The following CCDC138 variants were observed in gnomAD, a reference collection of about 807,000 sequenced individuals.
CCDC138 encodes coiled-coil domain-containing protein 138.
A neutral mutation model predicts 82.3 loss-of-function variants in CCDC138; 66 were observed. That is an observed-to-expected ratio of 0.80 (90% CI 0.66 to 0.98). CCDC138 has a LOEUF of 0.98. Among genes scored for constraint, CCDC138 ranks in the 50% least tolerant of loss-of-function variants. CCDC138 has a pLI of 0.00. For missense variants in CCDC138, 816 were observed against 758.9 expected, an observed-to-expected ratio of 1.08 and a Z score of -0.88; for synonymous variants, 297 against 265.4, an observed-to-expected ratio of 1.12 and a Z score of -1.16.
chr2:108,788,952 C>T lies in CCDC138; in HGVS notation c.252C>T (p.His84=), dbSNP rs369058012. The change falls in exon 3 of 15, where the codon CAC becomes CAT. Residue 84 remains histidine (H), a synonymous_variant. Coordinates refer to ENST00000295124, the MANE Select transcript of CCDC138 (RefSeq NM_144978.3). ...CACCATTGGGCAGCTTATTCAAGCACGTAAATGTGAATTGGTAAAGTACCC... is the reference window on the plus strand; with the variant it reads ...CACCATTGGGCAGCTTATTCAAGCATGTAAATGTGAATTGGTAAAGTACCC... ...CRTPLGSLFK[H]VNVNCLDDEL... The T allele has an allele frequency of 1.5e-5, 24 of 1,613,910 alleles. No homozygotes were observed. The Admixed American group carries it at 1.5e-4, about 10-fold the overall frequency.
intron 4 of CCDC138, among the ~76,000 whole-genome samples, chr2:108,793,352 C>T (rs989711649): frequency 6.6e-6 from 1 of 151,752 alleles, no homozygotes; most frequent in African/African-American, 2.4e-5. Flanking sequence ...AACAAAACAA[C>T]AACAAAAAAA....
At chr2:108,806,767 T>G (rs1682944926) in intron 7 of CCDC138, among the ~76,000 whole-genome samples, 1 of 152,232 alleles carries the variant, frequency 6.6e-6, no homozygotes, top group Admixed American at 6.5e-5. Context: ...GTGACTGACT[T>G]ACATAGTAAT....
chr2:108,843,876 G>GTGTGTGTGTGTGTGT (rs1187530203), intron 11 of CCDC138, among the ~76,000 whole-genome samples: 1 of 13,872 alleles, frequency 7.2e-5, no homozygotes. Flanking sequence ...GTGTGTGTGT[G>GTGTGTGTGTGTGTGT]TGTTTCTTTC....
At chr2:108,837,398 G>A (rs752508475) in intron 10 of CCDC138, among the ~76,000 whole-genome samples, 12 of 152,130 alleles carry the variant, frequency 7.9e-5, no homozygotes, top group African/African-American at 2.2e-4. Flanking sequence ...TAGTCATGGC[G>A]TATAATCCCT....
At chr2:108,881,286 C>T (rs193113124), downstream of CCDC138, among the ~76,000 whole-genome samples, 1 of 152,320 alleles carries the variant, frequency 6.6e-6, no homozygotes, top group Non-Finnish European at 1.5e-5. Context: ...CCTCATGAAC[C>T]AACCTCTGCT....
intron 4 of CCDC138, 59 bp from the exon 5 acceptor site, chr2:108,794,481 A>G (rs1680511226): frequency 2.1e-6 from 3 of 1,457,482 alleles, no homozygotes; most frequent in Non-Finnish European, 1.9e-6. Flanking sequence ...GGTTACTCTG[A>G]GAATATTTGA....
At position 108,815,941 on chromosome 2, in the gene CCDC138, G is replaced by T; in HGVS notation, c.1042G>T (p.Val348Leu). 1.2e-6 allele frequency: 2 copies of T among 1,602,954 alleles called. No individual in the cohort carries two copies. The highest frequency in any genetic ancestry group is 1.7e-6 in the Non-Finnish European group (2 of 1,176,194). Residue 348 changes from valine to leucine, a missense_variant and splice_region_variant, in exon 10 of 15, where the codon GTA becomes TTA. Val to Leu is a conservative substitution (Grantham distance 32). Transcript: ENST00000295124. ...AAATGATTTAATTTTTGACATATAG[G>T]TACCACTTAATGGGCAAGTTTATGA... ...EKAPVSKTYK[V>L]PLNGQVYELL...
chr2:108,787,077 G>C (rs1427993127), intron 1 of CCDC138, among the ~76,000 whole-genome samples, 162 bp downstream of exon 1: 2 of 152,060 alleles, frequency 1.3e-5, no homozygotes, highest in Non-Finnish European at 2.9e-5. Context: ...GGCGGGAGGG[G>C]CGGGCGTTGC....
rs557891287 is a variant in CCDC138 at position 108,862,030 on chromosome 2, C to T, written c.1693+5060C>T. On this transcript the variant is annotated intron_variant, in intron 13 of 14. Coordinates refer to ENST00000295124, the MANE Select transcript of CCDC138 (RefSeq NM_144978.3). Reference sequence around the variant, plus strand: ...TGAGAGTTCTTCTTTGTATTGGTTTCTATTTTTATTCCACTATGGCCCAAG... The same window carrying T: ...TGAGAGTTCTTCTTTGTATTGGTTTTTATTTTTATTCCACTATGGCCCAAG... Among the ~76,000 whole-genome samples the T allele has an allele frequency of 8.6e-4, 125 of 146,030 alleles. 5 individuals carry two copies. The highest frequency in any genetic ancestry group is 5.0e-3 in the Admixed American group (74 of 14,702).
downstream of CCDC138, among the ~76,000 whole-genome samples, chr2:108,877,325 A>T (rs1218068884): frequency 6.6e-6 from 1 of 151,550 alleles, no homozygotes; most frequent in East Asian, 1.9e-4. Flanking sequence ...AGAATTAGCC[A>T]GGCGGTGATG....
At chr2:108,859,261 T>C (rs1004451795) in intron 13 of CCDC138, among the ~76,000 whole-genome samples, 1 of 152,206 alleles carries the variant, frequency 6.6e-6, no homozygotes, top group Non-Finnish European at 1.5e-5. Context: ...CTTTTTCTCA[T>C]TGATTTGTTT....
intron 12 of CCDC138, among the ~76,000 whole-genome samples, chr2:108,848,230 T>C (rs1250587627): frequency 5.9e-5 from 9 of 152,242 alleles, no homozygotes; most frequent in Admixed American, 5.9e-4. Flanking sequence ...AATGTTCATT[T>C]CTGATAATAT....
In CCDC138 at chr2:108,794,721, G is replaced by A; in HGVS notation, c.576G>A (p.Gln192=). Reference sequence around the variant, plus strand: ...TATTTCAGATACATCTGAAATTGCAGGTAAGAACTAAATACTGAATCGAGA... The same window carrying A: ...TATTTCAGATACATCTGAAATTGCAAGTAAGAACTAAATACTGAATCGAGA... The part of the protein sequence containing the change: ...DELFQIHLKL[Q]CETAAQQKFA... The change falls in exon 5 of 15, where the codon CAG becomes CAA. Residue 192 remains glutamine (Q), a splice_region_variant and synonymous_variant. Transcript: ENST00000295124. 1 of 1,601,094 alleles carries A rather than the reference G, an allele frequency of 6.2e-7. No individual in the cohort carries two copies. Among genetic ancestry groups the A allele is most frequent in the Non-Finnish European group, 8.5e-7 (1 of 1,169,762 alleles).
intron 10 of CCDC138, among the ~76,000 whole-genome samples, chr2:108,838,345 A>G (rs142268112): frequency 1.3e-3 from 200 of 152,364 alleles, no homozygotes; most frequent in African/African-American, 4.6e-3. Flanking sequence ...ACATATATGT[A>G]TATACACACA....
At position 108,810,416 on chromosome 2, in the gene CCDC138, A is replaced by G. The variant is rs530830166; in HGVS notation, c.856-2215A>G. On this transcript the variant is annotated intron_variant, in intron 7 of 14. Coordinates refer to ENST00000295124, the MANE Select transcript of CCDC138 (RefSeq NM_144978.3). ...CTATTGAAATGATCGTAAGGTAATT[A>G]TATTTCATTCTGTTATACTCTTCAT... 3.3e-5 allele frequency among the ~76,000 whole-genome samples: 5 copies of G among 152,352 alleles called. No individual in the cohort carries two copies. The South Asian group carries it at 1.0e-3, about 32-fold the overall frequency.
chr2:108,853,883 A>G (rs1312882639), intron 12 of CCDC138, among the ~76,000 whole-genome samples: 1 of 124,012 alleles, frequency 8.1e-6, no homozygotes, highest in African/African-American at 3.2e-5. Flanking sequence ...TATATAATAT[A>G]TTATATAGTA....
chr2:108,847,484 A>C (rs142591376), intron 12 of CCDC138, among the ~76,000 whole-genome samples: 2,412 of 152,322 alleles, frequency 0.016, 222 homozygotes, highest in Admixed American at 0.14. Context: ...TCCCAAAGAA[A>C]AAACTTGTTT....
At chr2:108,794,861 C>T (rs1448093770) in intron 5 of CCDC138, 140 bp downstream of exon 5, 1 of 656,746 alleles carries the variant, frequency 1.5e-6, no homozygotes, top group Non-Finnish European at 2.5e-6. Flanking sequence ...GGGACAAACT[C>T]AAATTATAGG....
chr2:108,845,205 T>G (rs974205767), intron 11 of CCDC138, among the ~76,000 whole-genome samples: 2 of 152,222 alleles, frequency 1.3e-5, no homozygotes, highest in African/African-American at 4.8e-5. Flanking sequence ...ACACAAAGGT[T>G]TAAAAACATG....
Sources: gnomAD v4.1 joint callset for allele counts (sites outside exome capture counted in the v4.1 genomes callset) on GRCh38, gnomAD v4.1.1 for gene constraint, MANE v1.5 for transcripts, NCBI Gene and HGNC (gene_info 2026-07-23, HGNC 2026-07-21) for gene names.